The following STK32C variants were observed in gnomAD, a reference collection of about 807,000 sequenced individuals.
STK32C encodes the protein serine/threonine-protein kinase 32C.
STK32C carries 31 observed loss-of-function variants against 56.5 expected under a neutral mutation model. The observed-to-expected ratio is 0.55, with a 90% confidence interval of 0.41 to 0.74. The LOEUF (loss-of-function observed/expected upper bound fraction) is 0.74, where lower values mean the gene tolerates loss of function less well. STK32C is among the 30% of genes least tolerant of loss of function. The pLI is 0.00. For synonymous variants in STK32C, 309 were observed against 289.4 expected (o/e 1.07, Z -0.69); for missense variants, 544 against 676.9 (o/e 0.80, Z 2.18).
chr10:132,317,834 C>T (rs901173763), intron 1 of STK32C, among the ~76,000 whole-genome samples: 2 of 151,852 alleles, frequency 1.3e-5, no homozygotes, highest in African/African-American at 2.4e-5. Flanking sequence ...AAAAATTAGC[C>T]GGGCATGGTG....
chr10:132,209,314 G>C (rs376378341), intron 10 of STK32C: 8 of 709,902 alleles, frequency 1.1e-5, no homozygotes, highest in Non-Finnish European at 2.1e-5. Context: ...AGGATGCCAA[G>C]GCCCAGCTCC....
intron 1 of STK32C, among the ~76,000 whole-genome samples, chr10:132,282,001 G>A (rs561357678): frequency 7.2e-5 from 11 of 152,232 alleles, no homozygotes; most frequent in African/African-American, 2.2e-4. Context: ...GCTGAGCGCC[G>A]ACATTCAGAG....
intron 8 of STK32C, 148 bp from the exon 9 acceptor site, chr10:132,223,134 T>A: frequency 8.9e-7 from 1 of 1,120,466 alleles, no homozygotes; most frequent in Non-Finnish European, 1.2e-6. Context: ...CGAGGAAGGG[T>A]GGTGCCGACG....
In STK32C at chr10:132,283,710, C is replaced by T. The variant is rs905427376; in HGVS notation, c.262+23862G>A. ...CCGCGGGCTGTCATGGAGATGACCC[C>T]AGCACTAAGAGGAGGGAACACGTGG... On this transcript the variant is annotated intron_variant, in intron 1 of 11. Coordinates refer to ENST00000298630, the MANE Select transcript of STK32C (RefSeq NM_173575.4). 7.6e-4 allele frequency among the ~76,000 whole-genome samples: 116 copies of T among 152,286 alleles called. 1 individual carries two copies. The highest frequency in any genetic ancestry group is 2.7e-3 in the African/African-American group (112 of 41,548).
chr10:132,219,504 C>T (rs1590152738), intron 10 of STK32C, among the ~76,000 whole-genome samples: 1 of 152,330 alleles, frequency 6.6e-6, no homozygotes, highest in African/African-American at 2.4e-5. Context: ...CCTGTTTCTA[C>T]ACCCCAGAGC....
chr10:132,327,908 G>A (rs2066531138), intron 1 of STK32C, among the ~76,000 whole-genome samples: 1 of 152,162 alleles, frequency 6.6e-6, no homozygotes, highest in South Asian at 2.1e-4. Context: ...CCAGAAAGAG[G>A]GAAAGGTGCT....
At position 132,255,613 on chromosome 10, in the gene STK32C, G is replaced by A. The variant is rs1325575337; in HGVS notation, c.263-9658C>T. ...AGCCACAGCAGCACCCAGGAGAGGA[G>A]CAGGGGGCCCTGCAGGAAGCAGGTC... On this transcript the variant is annotated intron_variant, in intron 1 of 11. Transcript: ENST00000298630. The surrounding 1 kb of genome is among the most constrained non-coding windows in gnomAD (Gnocchi z 4.6). Among the ~76,000 whole-genome samples, 1 of 152,198 alleles carries A rather than the reference G, an allele frequency of 6.6e-6. No homozygotes were observed. Among genetic ancestry groups the A allele is most frequent in the Non-Finnish European group, 1.5e-5 (1 of 68,028 alleles).
intron 1 of STK32C, among the ~76,000 whole-genome samples, chr10:132,315,842 T>A (rs990353901): frequency 1.3e-5 from 2 of 152,182 alleles, no homozygotes; most frequent in African/African-American, 4.8e-5. Context: ...TCAATAAATC[T>A]CAAAGGATTG....
At chr10:132,265,274 C>G (rs576388270) in intron 1 of STK32C, among the ~76,000 whole-genome samples, 1 of 151,810 alleles carries the variant, frequency 6.6e-6, no homozygotes. Context: ...GAGGTGGGCT[C>G]TGCAGCCACC....
intron 10 of STK32C, among the ~76,000 whole-genome samples, chr10:132,221,354 C>A (rs532637175): frequency 8.3e-6 from 1 of 120,784 alleles, no homozygotes; most frequent in Non-Finnish European, 1.7e-5. Flanking sequence ...CGCACCTGGG[C>A]GAGTGTGAGG....
intron 10 of STK32C, among the ~76,000 whole-genome samples, chr10:132,218,319 TA>T (rs201373824): frequency 4.7e-5 from 7 of 150,132 alleles, no homozygotes; most frequent in African/African-American, 1.7e-4. Context: ...ACCCTGTCTC[TA>T]AAAAAAAATA....
At chr10:132,220,605 C>T (rs1042120431) in intron 10 of STK32C, among the ~76,000 whole-genome samples, 2 of 152,212 alleles carry the variant, frequency 1.3e-5, no homozygotes, top group African/African-American at 4.8e-5. Context: ...GAAGAACCTA[C>T]GTGGCCCCAT....
At chr10:132,253,126 G>A (rs997738756) in intron 1 of STK32C, among the ~76,000 whole-genome samples, 1 of 152,248 alleles carries the variant, frequency 6.6e-6, no homozygotes, top group African/African-American at 2.4e-5. Context: ...TGTTCTCAGA[G>A]AGTTTTGCCA....
At chr10:132,233,757 A>T (rs541856022) in intron 2 of STK32C, among the ~76,000 whole-genome samples, 1 of 152,232 alleles carries the variant, frequency 6.6e-6, no homozygotes, top group Non-Finnish European at 1.5e-5. Flanking sequence ...CCGGCTTCCC[A>T]GGGGACGGAG....
At chr10:132,269,645 T>A (rs1377039669) in intron 1 of STK32C, among the ~76,000 whole-genome samples, 1 of 152,214 alleles carries the variant, frequency 6.6e-6, no homozygotes, top group Admixed American at 6.5e-5. Flanking sequence ...AACCTGAGCT[T>A]ATGAGACAGA....
intron 1 of STK32C, among the ~76,000 whole-genome samples, chr10:132,265,897 G>A (rs925725798): frequency 6.6e-6 from 1 of 152,194 alleles, no homozygotes; most frequent in Non-Finnish European, 1.5e-5. Flanking sequence ...CACATGCTAG[G>A]GGTTAGGGGG....
downstream of STK32C, among the ~76,000 whole-genome samples, chr10:132,322,856 G>A (rs1232959002): frequency 1.3e-5 from 2 of 152,158 alleles, no homozygotes; most frequent in Non-Finnish European, 2.9e-5. Flanking sequence ...GCATGTCTCA[G>A]CCCCATTCTC....
intron 1 of STK32C, among the ~76,000 whole-genome samples, chr10:132,330,710 G>A (rs928389832): frequency 6.9e-6 from 1 of 143,990 alleles, no homozygotes; most frequent in Non-Finnish European, 1.5e-5. Flanking sequence ...TGTAGAGACT[G>A]GGTTGCCCAG....
intron 10 of STK32C, 198 bp from the exon 11 acceptor site, chr10:132,209,299 G>A: frequency 1.4e-6 from 1 of 708,234 alleles, no homozygotes. Flanking sequence ...ACTCACCCAA[G>A]CCCGAGGATG....
Sources: gnomAD v4.1 joint callset for allele counts (sites outside exome capture counted in the v4.1 genomes callset) on GRCh38, gnomAD v4.1.1 for gene constraint, Gnocchi (gnomAD v3.1) non-coding constraint, MANE v1.5 for transcripts, NCBI Gene and HGNC (gene_info 2026-07-23, HGNC 2026-07-21) for gene names.